Variants in GABRB2 observed in about 807,000 individuals in gnomAD.
GABRB2 encodes gamma-aminobutyric acid type A receptor subunit beta2, also known as gamma-aminobutyric acid receptor subunit beta-2.
A neutral mutation model predicts 54.7 loss-of-function variants in GABRB2; 16 were observed. That is an observed-to-expected ratio of 0.29 (90% CI 0.20 to 0.44). The LOEUF is 0.44. Among genes scored for constraint, GABRB2 ranks in the 20% least tolerant of loss-of-function variants. GABRB2 has a pLI of 1.00. For synonymous variants in GABRB2, 244 were observed against 233.8 expected (o/e 1.04, Z -0.40); for missense variants, 355 against 644.0 (o/e 0.55, Z 4.86).
chr5:161,516,981 C>T (rs376701630), intron 3 of GABRB2, among the ~76,000 whole-genome samples: 12 of 152,182 alleles, frequency 7.9e-5, no homozygotes, highest in African/African-American at 2.7e-4. Flanking sequence ...AAACATCTCA[C>T]TTCTTTCATG....
intron 9 of GABRB2, among the ~76,000 whole-genome samples, chr5:161,314,923 G>A (rs921667029): frequency 2.6e-5 from 4 of 152,042 alleles, no homozygotes. Context: ...AACTTTGGGG[G>A]GCTTTAAAAA....
intron 5 of GABRB2, among the ~76,000 whole-genome samples, chr5:161,393,223 A>G (rs1755885815): frequency 6.8e-6 from 1 of 147,220 alleles, no homozygotes; most frequent in Non-Finnish European, 1.5e-5. Flanking sequence ...AGTGAAGGAA[A>G]GGGTAATGGG....
chr5:161,522,838 T>A (rs1760159045), intron 3 of GABRB2, among the ~76,000 whole-genome samples: 1 of 151,540 alleles, frequency 6.6e-6, no homozygotes, highest in Non-Finnish European at 1.5e-5. Flanking sequence ...TTTTAATGTG[T>A]TTTTCCGGAT....
At chr5:161,398,297 T>C (rs748885754) in intron 5 of GABRB2, among the ~76,000 whole-genome samples, 28 of 152,204 alleles carry the variant, frequency 1.8e-4, no homozygotes, top group Admixed American at 9.2e-4. Flanking sequence ...CCTGACTGGC[T>C]GTCATACACA....
At chr5:161,344,017 T>C (rs1754246177) in intron 5 of GABRB2, among the ~76,000 whole-genome samples, 1 of 152,090 alleles carries the variant, frequency 6.6e-6, no homozygotes, top group Non-Finnish European at 1.5e-5. Context: ...GCTGATGCTT[T>C]TTGTCCATGG....
chr5:161,429,691 T>G (rs79083255), intron 4 of GABRB2, among the ~76,000 whole-genome samples: 6,198 of 152,204 alleles, frequency 0.041, 162 homozygotes, highest in Middle Eastern at 0.075. Flanking sequence ...ATTGAAAACT[T>G]CAGAGCATAA....
At chr5:161,530,586 C>T (rs897384142) in intron 3 of GABRB2, among the ~76,000 whole-genome samples, 1 of 152,048 alleles carries the variant, frequency 6.6e-6, no homozygotes, top group Non-Finnish European at 1.5e-5. Context: ...CTTCCAATGT[C>T]TTATAGAAGA....
At chr5:161,404,867 T>G (rs1209525538) in intron 5 of GABRB2, among the ~76,000 whole-genome samples, 2 of 152,122 alleles carry the variant, frequency 1.3e-5, no homozygotes, top group African/African-American at 4.8e-5. Context: ...TTTTTGCTTG[T>G]GCCAAGTAAC....
At chr5:161,355,058 A>G (rs1041891193) in intron 5 of GABRB2, among the ~76,000 whole-genome samples, 3 of 151,864 alleles carry the variant, frequency 2.0e-5, no homozygotes, top group African/African-American at 4.8e-5. Flanking sequence ...TTTAGTTTCA[A>G]TGAACTCCTC....
rs1758316135 is a variant in GABRB2 at position 161,324,800 on chromosome 5, A to T, written c.1191+1568T>A. Among the ~76,000 whole-genome samples, 3 of 152,128 alleles carry T rather than the reference A, an allele frequency of 2.0e-5. 1 individual carries two copies. In the South Asian group the frequency reaches 6.2e-4, roughly 31 times the overall value. ...CATAACCAACATAGAAAAGTATAAA[A>T]ACAAAAGACGTTAGAATTCATATTT... is the stretch of plus-strand genomic sequence containing the variant. On this transcript the variant is annotated intron_variant, in intron 9 of 9. Transcript: ENST00000393959.
At chr5:161,339,206 A>G (rs1754082208) in intron 5 of GABRB2, among the ~76,000 whole-genome samples, 1 of 152,196 alleles carries the variant, frequency 6.6e-6, no homozygotes, top group South Asian at 2.1e-4. Flanking sequence ...ATAAACATGA[A>G]AAAGGTTATT....
At chr5:161,426,269 G>GCAGAA (rs1261795173) in intron 4 of GABRB2, among the ~76,000 whole-genome samples, 17 of 152,208 alleles carry the variant, frequency 1.1e-4, no homozygotes, top group Non-Finnish European at 2.1e-4. Flanking sequence ...CTGAGTGGAA[G>GCAGAA]CAGAACCCTA....
intron 3 of GABRB2, among the ~76,000 whole-genome samples, chr5:161,530,655 G>T (rs550346870): frequency 6.6e-6 from 1 of 152,066 alleles, no homozygotes; most frequent in Non-Finnish European, 1.5e-5. Flanking sequence ...TGAAGGAAAT[G>T]TAAAGAAATT....
In GABRB2 at chr5:161,460,704, T is replaced by C. The variant is rs1001455364; in HGVS notation, c.238-860A>G. On this transcript the variant is annotated intron_variant, in intron 3 of 9. Transcript: ENST00000393959. ...TGTATCTAGTATTTGACAGGAACCA[T>C]TGAGGTGCTGAGATGAAAGTGGTAA... Among the ~76,000 whole-genome samples, 4 of 152,076 alleles carry C rather than the reference T, an allele frequency of 2.6e-5. No individual in the cohort carries two copies. The South Asian group carries it at 6.2e-4, about 24-fold the overall frequency.
chr5:161,400,495 C>T (rs1429695308), intron 5 of GABRB2, among the ~76,000 whole-genome samples: 1 of 152,062 alleles, frequency 6.6e-6, no homozygotes, highest in African/African-American at 2.4e-5. Flanking sequence ...AAGTCCTAAA[C>T]TGCCTTTTTT....
intron 3 of GABRB2, among the ~76,000 whole-genome samples, chr5:161,465,619 G>T (rs145591120): frequency 6.6e-6 from 1 of 151,948 alleles, no homozygotes; most frequent in African/African-American, 2.4e-5. Context: ...ACTGTAAAAC[G>T]TGTGTCTGTG....
At chr5:161,326,080 CAAA>C (rs2113388753) in intron 9 of GABRB2, among the ~76,000 whole-genome samples, 1 of 152,176 alleles carries the variant, frequency 6.6e-6, no homozygotes, top group African/African-American at 2.4e-5. Context: ...CCTCTCAGTA[CAAA>C]TGAAAAGGAT....
chr5:161,491,895 G>A (rs1017770105), intron 3 of GABRB2, among the ~76,000 whole-genome samples: 2 of 151,618 alleles, frequency 1.3e-5, no homozygotes, highest in African/African-American at 4.8e-5. Context: ...AGTAACAAGA[G>A]GCAGTGACAT....
chr5:161,334,136 A>G (rs931181833), intron 7 of GABRB2, among the ~76,000 whole-genome samples: 3 of 152,234 alleles, frequency 2.0e-5, no homozygotes, highest in African/African-American at 7.2e-5. Flanking sequence ...GTCAGAATCC[A>G]TAATAATCAA....
Sources: allele counts gnomAD v4.1 joint callset (sites outside exome capture counted in the v4.1 genomes callset), GRCh38; gene constraint gnomAD v4.1.1; transcripts MANE v1.5; gene names NCBI Gene and HGNC (gene_info 2026-07-23, HGNC 2026-07-21).